The following HDAC4 variants were observed in gnomAD, a reference collection of about 807,000 sequenced individuals.
HDAC4 encodes the protein histone deacetylase 4.
Under a neutral mutation model 135.1 loss-of-function variants are expected in HDAC4, and 16 were observed. That is an observed-to-expected ratio of 0.12 (90% CI 0.08 to 0.18). The LOEUF (loss-of-function observed/expected upper bound fraction) is 0.18. HDAC4 is among the 10% of genes least tolerant of loss of function. The pLI is 1.00. For missense variants in HDAC4, 1,143 were observed against 1,511.8 expected, an observed-to-expected ratio of 0.76 and a Z score of 4.05; for synonymous variants, 685 against 653.4, an observed-to-expected ratio of 1.05 and a Z score of -0.74.
chr2:239,341,071 C>G (rs536565665), intron 2 of HDAC4, among the ~76,000 whole-genome samples: 2 of 152,266 alleles, frequency 1.3e-5, no homozygotes, highest in Non-Finnish European at 2.9e-5. Context: ...CCTCATCTCT[C>G]TGGTTTACCA....
intron 1 of HDAC4, among the ~76,000 whole-genome samples, chr2:239,369,200 A>G (rs1162007028): frequency 6.6e-6 from 1 of 152,240 alleles, no homozygotes; most frequent in South Asian, 2.1e-4. Flanking sequence ...GAAGGAAGAC[A>G]GCAGCACGGC....
chr2:239,165,120 G>T (rs1009843222), intron 5 of HDAC4, among the ~76,000 whole-genome samples: 1 of 152,172 alleles, frequency 6.6e-6, no homozygotes, highest in Non-Finnish European at 1.5e-5. Flanking sequence ...CTACTTGGGA[G>T]GCTGAGGTGA....
At chr2:239,081,923 C>T (rs1043802475) in intron 21 of HDAC4, among the ~76,000 whole-genome samples, 179 bp downstream of exon 21, 1 of 152,230 alleles carries the variant, frequency 6.6e-6, no homozygotes, top group Non-Finnish European at 1.5e-5. Flanking sequence ...ACACAGGCCA[C>T]CTGTGCACAC....
At chr2:239,088,700 G>A (rs768273131) in intron 18 of HDAC4, among the ~76,000 whole-genome samples, 36 of 151,882 alleles carry the variant, frequency 2.4e-4, no homozygotes, top group Non-Finnish European at 4.7e-4. Context: ...GTAGATCTCC[G>A]CCCTCAAACA....
In HDAC4 at chr2:239,050,813, T is replaced by A. The variant is rs1241043334; in HGVS notation, c.*2284A>T. On this transcript the variant is annotated 3_prime_UTR_variant, in exon 27 of 27. Coordinates refer to ENST00000543185, the MANE Select transcript of HDAC4 (RefSeq NM_001378414.1). ...AAATAAGTTACCAGTAAAACGTGACTGTCAGTTACTGTTGAAGAGAAAAAG... is the reference window on the plus strand; with the variant it reads ...AAATAAGTTACCAGTAAAACGTGACAGTCAGTTACTGTTGAAGAGAAAAAG... The A allele has an allele frequency of 1.3e-5, 2 of 152,628 alleles. No homozygotes were observed. The allele number at this position is 152,628 out of a possible 1,614,324, so 9.5% of individuals were successfully genotyped here.
chr2:239,113,624 C>T (rs1014639961), intron 13 of HDAC4, among the ~76,000 whole-genome samples: 1 of 152,192 alleles, frequency 6.6e-6, no homozygotes, highest in Non-Finnish European at 1.5e-5. Context: ...AAAGGCTGAT[C>T]TATGAGAAAC....
At chr2:239,390,288 T>C (rs532257787) in intron 1 of HDAC4, among the ~76,000 whole-genome samples, 9 of 152,226 alleles carry the variant, frequency 5.9e-5, no homozygotes, top group African/African-American at 2.2e-4. Flanking sequence ...TCCCAGCACT[T>C]TGGTAAGCCG....
intron 24 of HDAC4, among the ~76,000 whole-genome samples, chr2:239,064,453 A>G (rs1574876282): frequency 6.6e-6 from 1 of 151,912 alleles, no homozygotes; most frequent in Non-Finnish European, 1.5e-5. Flanking sequence ...CCCAGGTCCC[A>G]CCTCCGCCGT....
At position 239,313,988 on chromosome 2, in the gene HDAC4, T is replaced by C. The variant is rs2053007380; in HGVS notation, c.22+38690A>G. Among the ~76,000 whole-genome samples the C allele has an allele frequency of 6.6e-6, 1 of 152,062 alleles. No homozygotes were observed. Among genetic ancestry groups the C allele is most frequent in the Non-Finnish European group, 1.5e-5 (1 of 68,008 alleles). On this transcript the variant is annotated intron_variant, in intron 2 of 26. Transcript: ENST00000543185. The surrounding 1 kb of genome is among the most constrained non-coding windows in gnomAD (Gnocchi z 5.1). ...AGAAGACAGGCCTGCAAGGGACACATCCGGGCCTGGGCTTGGTGCTGGCTA... is the reference window on the plus strand; with the variant it reads ...AGAAGACAGGCCTGCAAGGGACACACCCGGGCCTGGGCTTGGTGCTGGCTA...
At chr2:239,074,951 C>T (rs979838514) in intron 22 of HDAC4, among the ~76,000 whole-genome samples, 9 of 152,052 alleles carry the variant, frequency 5.9e-5, no homozygotes, top group East Asian at 3.9e-4. Context: ...CGGCCGGGCA[C>T]GGTGGCTCAC....
chr2:239,315,506 G>A (rs2053078822), intron 2 of HDAC4, among the ~76,000 whole-genome samples: 1 of 152,094 alleles, frequency 6.6e-6, no homozygotes, highest in South Asian at 2.1e-4. Context: ...CCAACCACAT[G>A]CTAAAACACG....
intron 14 of HDAC4, among the ~76,000 whole-genome samples, chr2:239,108,515 G>GCTGGACCTTGCAGGGGTGA (rs2038366398): frequency 6.6e-6 from 1 of 152,176 alleles, no homozygotes; most frequent in Admixed American, 6.5e-5. Context: ...GCCCTGGGTG[G>GCTGGACCTTGCAGGGGTGA]CTGGACCTTG....
chr2:239,205,903 A>C (rs988484141), intron 3 of HDAC4, among the ~76,000 whole-genome samples: 1 of 152,236 alleles, frequency 6.6e-6, no homozygotes, highest in African/African-American at 2.4e-5. Flanking sequence ...TAGACATTTT[A>C]AGCTCATGCA....
intron 12 of HDAC4, among the ~76,000 whole-genome samples, chr2:239,117,947 G>C (rs762796386): frequency 6.6e-6 from 1 of 152,170 alleles, no homozygotes; most frequent in Non-Finnish European, 1.5e-5. Flanking sequence ...AACACCCTTA[G>C]AGCACTGCAT....
intron 22 of HDAC4, among the ~76,000 whole-genome samples, chr2:239,076,012 C>T (rs979506233): frequency 6.7e-6 from 1 of 150,330 alleles, no homozygotes; most frequent in Non-Finnish European, 1.5e-5. Context: ...CAGTAGCAGG[C>T]GCGTGCCAGC....
At chr2:239,246,401 G>C (rs141670591) in intron 2 of HDAC4, among the ~76,000 whole-genome samples, 51 of 152,358 alleles carry the variant, frequency 3.3e-4, no homozygotes, top group African/African-American at 1.2e-3. Context: ...CACAGGACGC[G>C]AGGAGCAGTG....
intron 12 of HDAC4, among the ~76,000 whole-genome samples, chr2:239,116,734 C>G (rs1485493020): frequency 6.6e-6 from 1 of 152,222 alleles, no homozygotes; most frequent in Non-Finnish European, 1.5e-5. Flanking sequence ...CCATGTTGCC[C>G]CTGCAGCCTC....
chr2:239,300,987 C>T (rs975505377), intron 2 of HDAC4, among the ~76,000 whole-genome samples: 15 of 152,360 alleles, frequency 9.8e-5, no homozygotes, highest in Admixed American at 8.5e-4. Flanking sequence ...CTGGGGCTGC[C>T]CGTCCAGAAG....
At chr2:239,151,254 T>A (rs917686141) in intron 7 of HDAC4, among the ~76,000 whole-genome samples, 18 of 152,194 alleles carry the variant, frequency 1.2e-4, no homozygotes, top group Admixed American at 1.2e-3. Flanking sequence ...ACTTGACTAA[T>A]GAAAGAACCA....
Sources: allele counts gnomAD v4.1 joint callset (sites outside exome capture counted in the v4.1 genomes callset), GRCh38; gene constraint gnomAD v4.1.1; non-coding constraint Gnocchi (gnomAD v3.1); transcripts MANE v1.5; gene names NCBI Gene and HGNC (gene_info 2026-07-23, HGNC 2026-07-21).